HOMER2: variants seen among roughly 807,000 people sequenced by gnomAD.
The protein encoded by HOMER2 is homer scaffold protein 2.
In HOMER2, 27 loss-of-function variants were observed where a neutral mutation model predicts 47.0. The ratio of observed to expected loss-of-function variants is 0.57; its 90% CI spans 0.42 to 0.79. HOMER2 has a LOEUF of 0.79. Among genes scored for constraint, HOMER2 ranks in the 30% least tolerant of loss-of-function variants. The probability of loss-of-function intolerance (pLI) is 0.00; values close to 1 mark genes in which losing one functional copy is unlikely to be tolerated. For missense variants in HOMER2, 443 were observed against 435.0 expected, an observed-to-expected ratio of 1.02 and a Z score of -0.16; for synonymous variants, 161 against 163.8, an observed-to-expected ratio of 0.98 and a Z score of 0.13.
intron 1 of HOMER2, among the ~76,000 whole-genome samples, chr15:82,980,566 A>G (rs1453683609): frequency 6.6e-6 from 1 of 152,044 alleles, no homozygotes; most frequent in African/African-American, 2.4e-5. Flanking sequence ...AGTGTAATGA[A>G]CTTTGTTTTT....
At chr15:82,881,780 C>A (rs983193136) in intron 2 of HOMER2, among the ~76,000 whole-genome samples, 1 of 152,204 alleles carries the variant, frequency 6.6e-6, no homozygotes, top group African/African-American at 2.4e-5. Flanking sequence ...CGCAACACAA[C>A]AGGTGTGGCT....
chr15:82,904,485 C>T lies in HOMER2; in HGVS notation c.6-11644G>A, dbSNP rs569531428. Among the ~76,000 whole-genome samples the T allele has an allele frequency of 1.6e-4, 25 of 152,254 alleles. No homozygotes were observed. In the South Asian group the frequency reaches 5.2e-3, roughly 32 times the overall value. Reference sequence around the variant, plus strand: ...AGTGAGCATCAGAGAAAAATCCCCTCGTGCTTGAGGCAGGGGGAGGGGAAT... The same window carrying T: ...AGTGAGCATCAGAGAAAAATCCCCTTGTGCTTGAGGCAGGGGGAGGGGAAT... On this transcript the variant is annotated intron_variant, in intron 1 of 8. Transcript: ENST00000450735.
chr15:82,868,889 A>AC (rs1160368700), intron 3 of HOMER2, among the ~76,000 whole-genome samples: 3 of 151,734 alleles, frequency 2.0e-5, no homozygotes, highest in African/African-American at 7.3e-5. Flanking sequence ...AGTCCCATTG[A>AC]GGTAGGAGGC....
intron 1 of HOMER2, among the ~76,000 whole-genome samples, chr15:82,951,601 A>G (rs1382772507): frequency 6.6e-6 from 1 of 152,254 alleles, no homozygotes; most frequent in East Asian, 1.9e-4. Flanking sequence ...TGGGTTCAGC[A>G]GCAGGGAACA....
At chr15:82,921,019 G>A (rs1479722471) in intron 1 of HOMER2, among the ~76,000 whole-genome samples, 7 of 152,222 alleles carry the variant, frequency 4.6e-5, no homozygotes, top group African/African-American at 1.7e-4. Context: ...TTTCAGACGG[G>A]CATGGTGGCT....
rs769482387 is a variant in HOMER2, at chr15:82,851,215, C to T, written c.779G>A (p.Arg260Gln). ...REKETELKDL[R>Q]KQSEIIPQLM... Reference sequence around the variant, plus strand: ...CTGAGGTATGATTTCACTTTGTTTTCGGAGATCTTTCAGCTCCTACATGAA... The same window carrying T: ...CTGAGGTATGATTTCACTTTGTTTTTGGAGATCTTTCAGCTCCTACATGAA... The change falls in exon 8 of 9, where the codon CGA (arginine) becomes CAA (glutamine). Residue 260 changes from arginine (R) to glutamine (Q), a missense_variant. Physicochemically the swap from Arg to Gln is conservative, Grantham distance 43 (BLOSUM62 1). Coordinates refer to ENST00000450735, the MANE Select transcript of HOMER2 (RefSeq NM_004839.4). The T allele has an allele frequency of 1.5e-5, 23 of 1,562,856 alleles. No homozygotes were observed. The highest frequency in any genetic ancestry group is 5.4e-5 in the African/African-American group (4 of 73,808).
At chr15:82,858,109 G>C (rs1381435021) in intron 5 of HOMER2, among the ~76,000 whole-genome samples, 1 of 152,002 alleles carries the variant, frequency 6.6e-6, no homozygotes, top group Non-Finnish European at 1.5e-5. Context: ...GCTTCACATA[G>C]ATCTTGTATA....
At position 82,936,882 on chromosome 15, in the gene HOMER2, G is replaced by C. The variant is rs1310356967; in HGVS notation, c.5+15649C>G. 2.6e-5 allele frequency among the ~76,000 whole-genome samples: 4 copies of C among 152,092 alleles called. No individual in the cohort carries two copies. The East Asian group carries it at 7.7e-4, about 29-fold the overall frequency. ...CTCCTATTTCTATTAGACAGAGCTGGTCTGGAAGGCAAGGGTGGGGGAGTC... is the reference window on the plus strand; with the variant it reads ...CTCCTATTTCTATTAGACAGAGCTGCTCTGGAAGGCAAGGGTGGGGGAGTC... On this transcript the variant is annotated intron_variant, in intron 1 of 8. Transcript: ENST00000450735.
chr15:82,897,778 G>C (rs912690143), intron 1 of HOMER2, among the ~76,000 whole-genome samples: 1 of 152,178 alleles, frequency 6.6e-6, no homozygotes, highest in African/African-American at 2.4e-5. Flanking sequence ...TTGGAGGAAT[G>C]GAAATTCAGC....
intron 2 of HOMER2, among the ~76,000 whole-genome samples, chr15:82,889,740 G>A (rs1326460114): frequency 6.6e-6 from 1 of 152,172 alleles, no homozygotes; most frequent in Non-Finnish European, 1.5e-5. Flanking sequence ...CCCGACTTGT[G>A]GAACAGCTGA....
In HOMER2 at chr15:82,864,268, G is replaced by C; in HGVS notation, c.295-9C>G. On this transcript the variant is annotated splice_polypyrimidine_tract_variant and intron_variant, in intron 3 of 8. Transcript: ENST00000450735. ...TGGAATTTCTCTGCAAACTGAACAT[G>C]AAGAATAGTTATTAAGGCTTTTATT... The C allele has an allele frequency of 6.3e-7, 1 of 1,598,286 alleles. No individual in the cohort carries two copies. Among genetic ancestry groups the C allele is most frequent in the Non-Finnish European group, 8.6e-7 (1 of 1,167,580 alleles).
chr15:82,903,785 A>G (rs1181814601), intron 1 of HOMER2, among the ~76,000 whole-genome samples: 4 of 152,246 alleles, frequency 2.6e-5, no homozygotes, highest in Non-Finnish European at 1.5e-5. Context: ...GCTTGAGGCC[A>G]GGAATTCGAG....
At chr15:82,976,679 T>TG (rs1216482125) in intron 1 of HOMER2, among the ~76,000 whole-genome samples, 3 of 1,412 alleles carry the variant, frequency 2.1e-3, no homozygotes, top group South Asian at 0.023. Context: ...TTGTGTGTGG[T>TG]TTTTTTTTTT....
At chr15:82,933,355 T>G (rs2054064396) in intron 1 of HOMER2, among the ~76,000 whole-genome samples, 1 of 151,956 alleles carries the variant, frequency 6.6e-6, no homozygotes, top group Non-Finnish European at 1.5e-5. Flanking sequence ...GCCTCCTGAG[T>G]AGCTGGGACT....
intron 1 of HOMER2, among the ~76,000 whole-genome samples, chr15:82,935,154 CCT>C (rs536911204): frequency 2.0e-5 from 3 of 152,210 alleles, no homozygotes; most frequent in South Asian, 2.1e-4. Context: ...TCCCTCCGCA[CCT>C]GCGCCCTCTC....
chr15:82,868,787 G>A (rs2052077312), intron 3 of HOMER2, among the ~76,000 whole-genome samples: 1 of 151,178 alleles, frequency 6.6e-6, no homozygotes, highest in Admixed American at 6.6e-5. Context: ...CTGACCTCAG[G>A]TGATTCGCCT....
chr15:82,863,239 T>C (rs1350634406), intron 4 of HOMER2, among the ~76,000 whole-genome samples: 1 of 152,056 alleles, frequency 6.6e-6, no homozygotes, highest in African/African-American at 2.4e-5. Context: ...CACAGCCCCC[T>C]CGACAATCTT....
At chr15:82,956,496 T>C (rs190388508), upstream of HOMER2, among the ~76,000 whole-genome samples, 5 of 152,222 alleles carry the variant, frequency 3.3e-5, no homozygotes, top group East Asian at 3.9e-4. Context: ...CACTGATGGG[T>C]TGGGGAATGC....
chr15:82,847,079 G>C (rs1366636543), downstream of HOMER2: 2 of 152,236 alleles, frequency 1.3e-5, no homozygotes, highest in African/African-American at 2.4e-5. Flanking sequence ...TGGCCCTGCA[G>C]CTTCCAGGCA....
Sources: gnomAD v4.1 joint callset for allele counts (sites outside exome capture counted in the v4.1 genomes callset) on GRCh38, gnomAD v4.1.1 for gene constraint, MANE v1.5 for transcripts, NCBI Gene and HGNC (gene_info 2026-07-23, HGNC 2026-07-21) for gene names.